Variants in KCNJ6 observed in about 807,000 individuals in gnomAD.
The protein encoded by KCNJ6 is G protein-activated inward rectifier potassium channel 2.
KCNJ6 carries 9 observed loss-of-function variants against 34.2 expected under a neutral mutation model. The observed-to-expected ratio is 0.26, with a 90% CI of 0.16 to 0.46. The LOEUF is 0.46. Ranked by LOEUF, KCNJ6 falls within the 20% of genes least tolerant of loss-of-function variation. KCNJ6 has a pLI of 1.00. For synonymous variants in KCNJ6, 196 were observed against 207.1 expected (o/e 0.95, Z 0.46); for missense variants, 236 against 531.3 (o/e 0.44, Z 5.46).
chr21:37,625,579 T>C, intron 3 of KCNJ6, 95 bp from the exon 4 acceptor site: 1 of 822,060 alleles, frequency 1.2e-6, no homozygotes, highest in Non-Finnish European at 1.9e-6. Flanking sequence ...TGCATGCAGC[T>C]GTTGAGACTG....
chr21:37,844,009 C>G (rs1285633714), intron 1 of KCNJ6, among the ~76,000 whole-genome samples: 1 of 152,112 alleles, frequency 6.6e-6, no homozygotes, highest in African/African-American at 2.4e-5. Context: ...CCTGACCTCT[C>G]CATGGAACCC....
chr21:37,780,132 A>C (rs2055162236), intron 2 of KCNJ6, among the ~76,000 whole-genome samples: 1 of 145,760 alleles, frequency 6.9e-6, no homozygotes, highest in African/African-American at 2.4e-5. Flanking sequence ...CAGCAATAAA[A>C]AGACATAGTT....
chr21:37,698,444 G>A (rs1345749915), intron 3 of KCNJ6, among the ~76,000 whole-genome samples: 1 of 152,256 alleles, frequency 6.6e-6, no homozygotes, highest in Non-Finnish European at 1.5e-5. Flanking sequence ...CCTCCTCATC[G>A]AAAATGTTTT....
chr21:37,865,247 C>T (rs73904481), intron 1 of KCNJ6, among the ~76,000 whole-genome samples: 4,330 of 152,210 alleles, frequency 0.028, 211 homozygotes, highest in African/African-American at 0.098. Context: ...GTATTTTTAA[C>T]GTGATGCTGA....
chr21:37,704,680 C>T (rs974456448), intron 3 of KCNJ6, among the ~76,000 whole-genome samples: 1 of 151,820 alleles, frequency 6.6e-6, no homozygotes, highest in African/African-American at 2.4e-5. Flanking sequence ...TCATCATCAT[C>T]ATCATCTCCA....
intron 2 of KCNJ6, among the ~76,000 whole-genome samples, chr21:37,753,572 TG>T (rs2055007744): frequency 6.6e-6 from 1 of 152,202 alleles, no homozygotes; most frequent in South Asian, 2.1e-4. Context: ...GCTCTTAGCC[TG>T]GTTCTGCTCC....
At chr21:37,751,880 T>A (rs1410987391) in intron 2 of KCNJ6, among the ~76,000 whole-genome samples, 1 of 152,184 alleles carries the variant, frequency 6.6e-6, no homozygotes, top group East Asian at 1.9e-4. Context: ...GCCTGACATA[T>A]GATAATTCCT....
chr21:37,681,573 G>T (rs1158045024), intron 3 of KCNJ6, among the ~76,000 whole-genome samples: 3 of 76,248 alleles, frequency 3.9e-5, no homozygotes, highest in African/African-American at 1.1e-4. Flanking sequence ...CATGCTTGTT[G>T]GTTTCACTCG....
At chr21:37,846,727 T>G (rs140638191) in intron 1 of KCNJ6, among the ~76,000 whole-genome samples, 80 of 152,306 alleles carry the variant, frequency 5.3e-4, no homozygotes, top group Admixed American at 5.2e-3. Context: ...TACAACCATT[T>G]AAAGAAACAT....
At chr21:37,678,017 C>A (rs2054574569) in intron 3 of KCNJ6, among the ~76,000 whole-genome samples, 1 of 152,004 alleles carries the variant, frequency 6.6e-6, no homozygotes, top group Admixed American at 6.6e-5. Flanking sequence ...AGATATTTCT[C>A]TAGTGGAAGG....
At chr21:37,651,026 C>T (rs1267133071) in intron 3 of KCNJ6, among the ~76,000 whole-genome samples, 1 of 152,150 alleles carries the variant, frequency 6.6e-6, no homozygotes, top group African/African-American at 2.4e-5. Flanking sequence ...CAGACCTTCT[C>T]CTCCTAAAAC....
rs185171741 is a variant in KCNJ6 at position 37,738,610 on chromosome 21, A to G, written c.26-23479T>C. Reference sequence around the variant, plus strand: ...AGTCATGTTTTACCCAGTTTTGCAAACTTTTGGCTCATATCATAAATTCAA... The same window carrying G: ...AGTCATGTTTTACCCAGTTTTGCAAGCTTTTGGCTCATATCATAAATTCAA... On this transcript the variant is annotated intron_variant, in intron 2 of 3. Transcript: ENST00000609713. 1.6e-3 allele frequency among the ~76,000 whole-genome samples: 249 copies of G among 152,262 alleles called. 1 individual carries two copies. The highest frequency in any genetic ancestry group is 3.5e-3 in the Admixed American group (53 of 15,290).
At chr21:37,858,392 C>CAAAAAAAAAAA (rs60814205) in intron 1 of KCNJ6, among the ~76,000 whole-genome samples, 7 of 54,520 alleles carry the variant, frequency 1.3e-4, no homozygotes, top group African/African-American at 3.7e-4. Flanking sequence ...GACTCCGTCT[C>CAAAAAAAAAAA]AAAAAAAAAA....
In KCNJ6 at chr21:37,622,371, T is replaced by C. The variant is rs936528280; in HGVS notation, c.*2788A>G. ...TGGGGTCAATTTTGTTGAGCTGTCTTAATGGAAAACACCATTCACTCACTA... is the reference window on the plus strand; with the variant it reads ...TGGGGTCAATTTTGTTGAGCTGTCTCAATGGAAAACACCATTCACTCACTA... On this transcript the variant is annotated 3_prime_UTR_variant, in exon 4 of 4. Transcript: ENST00000609713. The C allele has an allele frequency of 6.6e-6, 1 of 152,212 alleles. No homozygotes were observed. The highest frequency in any genetic ancestry group is 1.5e-5 in the Non-Finnish European group (1 of 68,038). 9.4% of individuals were successfully genotyped at this position (152,212 alleles called of 1,614,324 possible).
intron 2 of KCNJ6, among the ~76,000 whole-genome samples, chr21:37,764,379 T>C (rs1466624657): frequency 9.1e-6 from 1 of 109,454 alleles, no homozygotes; most frequent in African/African-American, 4.3e-5. Flanking sequence ...TTTGAAGATA[T>C]TTACTTTTTT....
At chr21:37,707,480 T>C (rs1453342234) in intron 3 of KCNJ6, among the ~76,000 whole-genome samples, 1 of 152,014 alleles carries the variant, frequency 6.6e-6, no homozygotes, top group Non-Finnish European at 1.5e-5. Flanking sequence ...CAGACAGAGG[T>C]TACGTAAGGC....
intron 2 of KCNJ6, among the ~76,000 whole-genome samples, chr21:37,736,949 G>C (rs761242129): frequency 2.0e-5 from 3 of 152,232 alleles, no homozygotes; most frequent in Non-Finnish European, 4.4e-5. Context: ...GGCTGTTGCA[G>C]TTGACTGGGG....
chr21:37,629,921 A>G (rs991028788), intron 3 of KCNJ6, among the ~76,000 whole-genome samples: 3 of 152,228 alleles, frequency 2.0e-5, no homozygotes, highest in Non-Finnish European at 2.9e-5. Context: ...AAAGGATAAA[A>G]AAGAATATTA....
intron 3 of KCNJ6, among the ~76,000 whole-genome samples, chr21:37,687,228 G>C (rs963054651): frequency 6.6e-6 from 1 of 152,060 alleles, no homozygotes; most frequent in Non-Finnish European, 1.5e-5. Context: ...TAAGGGTAGC[G>C]TCCCAGCCGG....
Sources: allele counts gnomAD v4.1 joint callset (sites outside exome capture counted in the v4.1 genomes callset), GRCh38; gene constraint gnomAD v4.1.1; transcripts MANE v1.5; gene names NCBI Gene and HGNC (gene_info 2026-07-23, HGNC 2026-07-21).